Variants in PGAP2 observed in about 807,000 individuals in gnomAD.
PGAP2 encodes acyltransferase PGAP2.
PGAP2 carries 21 observed loss-of-function variants against 33.2 expected under a neutral mutation model. The ratio of observed to expected loss-of-function variants is 0.63; its 90% confidence interval spans 0.45 to 0.91. PGAP2 has a LOEUF of 0.91. Ranked by LOEUF, PGAP2 falls within the 40% of genes least tolerant of loss-of-function variation. The pLI is 0.00. For missense variants in PGAP2, 345 were observed against 424.0 expected (o/e 0.81, Z 1.64); for synonymous variants, 161 against 172.9 (o/e 0.93, Z 0.54).
At chr11:3,800,578 G>A (rs1463467615) in intron 1 of PGAP2, among the ~76,000 whole-genome samples, 4 of 152,162 alleles carry the variant, frequency 2.6e-5, no homozygotes, top group Non-Finnish European at 4.4e-5. Context: ...TTGGGAGGCC[G>A]AGGTGGGCGG....
chr11:3,799,846 G>A (rs1275438107), intron 1 of PGAP2, among the ~76,000 whole-genome samples: 1 of 152,074 alleles, frequency 6.6e-6, no homozygotes, highest in Non-Finnish European at 1.5e-5. Context: ...AAGCGCCTGT[G>A]GTCCCAGCTA....
intron 1 of PGAP2, among the ~76,000 whole-genome samples, chr11:3,801,959 T>TAAAA (rs1348489475): frequency 6.6e-6 from 1 of 151,212 alleles, no homozygotes; most frequent in Non-Finnish European, 1.5e-5. Context: ...TCTAAATAAA[T>TAAAA]AAATAAATAA....
At position 3,823,997 on chromosome 11, in the gene PGAP2, G is replaced by A. The variant is rs1467315949; in HGVS notation, c.463G>A (p.Ala155Thr). 5.6e-6 allele frequency: 9 copies of A among 1,613,574 alleles called. No homozygotes were observed. The highest frequency in any genetic ancestry group is 7.6e-6 in the Non-Finnish European group (9 of 1,180,010). The change falls in exon 4 of 7, where the codon GCC (alanine) becomes ACC (threonine). Residue 155 changes from alanine to threonine, a missense_variant. Around this residue, in one of 2 missense-constraint regions of PGAP2, gnomAD observed 311 missense variants for 353.6 expected, o/e 0.88. Transcript: ENST00000278243. ...HSAPRFLVAF[A>T]YWNHYLSCTS... ...GGCGCCTCGCTTCTTGGTGGCCTTC[G>A]CCTACTGGAACCACTACCTCAGCTG...
intron 2 of PGAP2, chr11:3,816,135 T>C (rs77777597): frequency 0.021 from 3,275 of 152,818 alleles, 122 homozygotes; most frequent in South Asian, 0.14. Context: ...GCGTGGAGAA[T>C]TGGGTACTGT....
intron 2 of PGAP2, chr11:3,816,062 CAG>C (rs1220223644): frequency 6.6e-6 from 1 of 152,424 alleles, no homozygotes; most frequent in Non-Finnish European, 1.5e-5. Context: ...CTTCCCTTTG[CAG>C]AGTGTTCTAG....
At chr11:3,813,469 A>C (rs189855146) in intron 2 of PGAP2, among the ~76,000 whole-genome samples, 1 of 152,140 alleles carries the variant, frequency 6.6e-6, no homozygotes, top group Admixed American at 6.5e-5. Context: ...CTGCAGCCTC[A>C]ACCACCAGGG....
At chr11:3,806,841 G>A (rs952901027), upstream of PGAP2, among the ~76,000 whole-genome samples, 4 of 152,076 alleles carry the variant, frequency 2.6e-5, no homozygotes, top group African/African-American at 9.7e-5. Flanking sequence ...GACCAATATG[G>A]CGAAACCCCA....
rs1205412722 is a variant in PGAP2 at position 3,825,265 on chromosome 11, A to G, written c.818-63A>G. ...CAGACCAATGGTGGTGTGATTTATC[A>G]AGAGGCCTCTGAGCGGGTAGCTGGA... On this transcript the variant is annotated intron_variant, in intron 6 of 6. Coordinates refer to ENST00000278243, the MANE Select transcript of PGAP2 (RefSeq NM_014489.4). 4.4e-6 allele frequency: 7 copies of G among 1,585,658 alleles called. No individual in the cohort carries two copies. In the South Asian group the frequency reaches 7.9e-5, roughly 18 times the overall value.
At chr11:3,799,130 G>C (rs1311501260) in intron 1 of PGAP2, among the ~76,000 whole-genome samples, 1 of 152,146 alleles carries the variant, frequency 6.6e-6, no homozygotes, top group South Asian at 2.1e-4. Flanking sequence ...AGTCCTTCTG[G>C]GGCCTAGCCC....
chr11:3,807,941 C>A, upstream of PGAP2: 10 of 678,238 alleles, frequency 1.5e-5, no homozygotes, highest in Middle Eastern at 6.0e-4. Flanking sequence ...GGGGATCAAT[C>A]CTCTCATTGT....
At chr11:3,823,024 CTTTTTTTTTTTTT>C (rs746736798) in intron 3 of PGAP2, 53,508 of 306,844 alleles carry the variant, frequency 0.17, 1,113 homozygotes, top group Middle Eastern at 0.25. Flanking sequence ...TTTTTCTTTT[CTTTTTTTTTTTTT>C]TTTTTTTTTT....
At chr11:3,814,013 C>G (rs2086193368) in intron 2 of PGAP2, among the ~76,000 whole-genome samples, 1 of 152,126 alleles carries the variant, frequency 6.6e-6, no homozygotes, top group Non-Finnish European at 1.5e-5. Flanking sequence ...TATGTTGTCC[C>G]CACTGCCTGA....
rs140317715 is a variant in PGAP2, at chr11:3,820,133, A to C, written c.348+2598A>C. Among the ~76,000 whole-genome samples, 581 of 152,234 alleles carry C rather than the reference A, an allele frequency of 3.8e-3. 6 individuals carry two copies. Among genetic ancestry groups the C allele is most frequent in the African/African-American group, 0.013 (536 of 41,538 alleles). On this transcript the variant is annotated intron_variant, in intron 3 of 6. Coordinates refer to ENST00000278243, the MANE Select transcript of PGAP2 (RefSeq NM_014489.4). ...TAGCTGAGACTGGGGAGTAGTTTTC[A>C]GATTGAATATTCCAGGAAGCAGAGG...
intron 1 of PGAP2, among the ~76,000 whole-genome samples, chr11:3,802,304 A>G (rs578159600): frequency 3.9e-4 from 60 of 152,338 alleles, no homozygotes; most frequent in African/African-American, 1.3e-3. Flanking sequence ...CAAGTAGCCC[A>G]TGGCTCATCA....
At chr11:3,802,798 G>A (rs537824434) in intron 1 of PGAP2, among the ~76,000 whole-genome samples, 1 of 150,962 alleles carries the variant, frequency 6.6e-6, no homozygotes, top group East Asian at 2.0e-4. Flanking sequence ...TATGACATGG[G>A]CAGAATACTT....
Position 3,825,392 on chromosome 11 carries a change from G to C in PGAP2, c.882G>C (p.Thr294=). Residue 294 remains threonine, a synonymous_variant, in exon 7 of 7, where the codon ACG becomes ACC. Transcript: ENST00000278243. ...TAACCAACATGGCGTTCCACATGACGGCCTGGTGGGACTTCGGGAACAAGG... is the reference window on the plus strand; with the variant it reads ...TAACCAACATGGCGTTCCACATGACCGCCTGGTGGGACTTCGGGAACAAGG... ...VVLTNMAFHM[T]AWWDFGNKEL... 1.2e-6 allele frequency: 2 copies of C among 1,613,838 alleles called. No homozygotes were observed. Among genetic ancestry groups the C allele is most frequent in the Non-Finnish European group, 1.7e-6 (2 of 1,179,896 alleles).
In PGAP2 at chr11:3,814,798, TTC is replaced by T. The variant is rs1193772952; in HGVS notation, c.166-2553_166-2552del. On this transcript the variant is annotated intron_variant, in intron 2 of 6. Coordinates refer to ENST00000278243, the MANE Select transcript of PGAP2 (RefSeq NM_014489.4). ...TTTCTTTCTTTCTTTCTTTCTTTCTTTCTTTCTTTCTTTCTCTTTCTTTCTTT... is the reference window on the plus strand; with the variant it reads ...TTTCTTTCTTTCTTTCTTTCTTTCTTTTTCTTTCTTTCTCTTTCTTTCTTT... 8.7e-5 allele frequency among the ~76,000 whole-genome samples: 10 copies of T among 114,340 alleles called. 1 individual carries two copies. Among genetic ancestry groups the T allele is most frequent in the Admixed American group, 2.8e-4 (3 of 10,886 alleles). 75.0% of individuals were successfully genotyped at this position (114,340 alleles called of 152,430 possible). A position where few individuals can be genotyped will look rare whatever the true frequency, so the allele number is the denominator to read the frequency against.
Position 3,800,828 on chromosome 11 carries a change from A to AAG in PGAP2, c.139+2847_139+2848insGA, listed in dbSNP as rs1554913595. ...CTCCGTCTCAAAAAAAAAAAAAAAA[A>AAG]AAAGAAATTTAGGCAAATTTCCTGC... is the stretch of plus-strand genomic sequence containing the variant. On this transcript the variant is annotated intron_variant, in intron 1 of 6. Coordinates refer to the PGAP2 transcript ENST00000300730. 9.6e-5 allele frequency among the ~76,000 whole-genome samples: 14 copies of AAG among 145,918 alleles called. No homozygotes were observed. In the East Asian group the frequency reaches 1.8e-3, roughly 19 times the overall value.
intron 1 of PGAP2, among the ~76,000 whole-genome samples, chr11:3,800,924 G>C (rs1284331621): frequency 6.6e-6 from 1 of 151,830 alleles, no homozygotes; most frequent in Non-Finnish European, 1.5e-5. Flanking sequence ...CCTGAGGTCA[G>C]GAGTTCGAAA....
Sources: gnomAD v4.1 joint callset for allele counts (sites outside exome capture counted in the v4.1 genomes callset) on GRCh38, gnomAD v4.1.1 for gene constraint, gnomAD v4.1.1 regional missense constraint, MANE v1.5 for transcripts, NCBI Gene and HGNC (gene_info 2026-07-23, HGNC 2026-07-21) for gene names.